Variants in ACADM observed in about 807,000 individuals in gnomAD.
The protein encoded by ACADM is medium-chain specific acyl-CoA dehydrogenase, mitochondrial.
ACADM carries 49 observed loss-of-function variants against 58.9 expected under a neutral mutation model. That is an observed-to-expected ratio of 0.83 (90% CI 0.66 to 1.06). The LOEUF (loss-of-function observed/expected upper bound fraction) is 1.06, where lower values mean the gene tolerates loss of function less well. ACADM is among the 50% of genes least tolerant of loss of function. The pLI is 0.00. For missense variants in ACADM, 496 were observed against 507.0 expected, an observed-to-expected ratio of 0.98 and a Z score of 0.21; for synonymous variants, 160 against 157.7, an observed-to-expected ratio of 1.01 and a Z score of -0.11.
At chr1:75,742,077 T>C (rs373045594) in intron 7 of ACADM, among the ~76,000 whole-genome samples, 1 of 152,172 alleles carries the variant, frequency 6.6e-6, no homozygotes, top group Non-Finnish European at 1.5e-5. Context: ...TTAAATACTT[T>C]AGTTACAAGT....
chr1:75,726,004 AT>A (rs1172015032), intron 1 of ACADM, among the ~76,000 whole-genome samples: 2 of 152,208 alleles, frequency 1.3e-5, no homozygotes, highest in Non-Finnish European at 2.9e-5. Flanking sequence ...TTGTTATGTA[AT>A]TAACAGGTTG....
At chr1:75,751,502 T>A (rs1557459397) in intron 10 of ACADM, among the ~76,000 whole-genome samples, 1 of 151,690 alleles carries the variant, frequency 6.6e-6, no homozygotes, top group Non-Finnish European at 1.5e-5. Flanking sequence ...GCTTTTTTTT[T>A]TTTGCGGGGG....
chr1:75,755,874 C>T (rs141858378), intron 10 of ACADM, among the ~76,000 whole-genome samples: 2,944 of 152,266 alleles, frequency 0.019, 96 homozygotes, highest in African/African-American at 0.067. Flanking sequence ...TTATCCACCA[C>T]GATCAAGTCA....
chr1:75,744,993 A>G (rs1413729626), intron 7 of ACADM, among the ~76,000 whole-genome samples: 2 of 152,206 alleles, frequency 1.3e-5, no homozygotes, highest in Non-Finnish European at 2.9e-5. Flanking sequence ...ATAGCATACT[A>G]TAGTCCCTCC....
intron 8 of ACADM, among the ~76,000 whole-genome samples, chr1:75,748,082 T>C (rs1238878437): frequency 6.6e-6 from 1 of 152,264 alleles, no homozygotes; most frequent in Non-Finnish European, 1.5e-5. Context: ...CTGTTTCTTA[T>C]TCTGCTTATT....
chr1:75,743,587 C>A, intron 7 of ACADM: 1 of 1,576,614 alleles, frequency 6.3e-7, no homozygotes, highest in Admixed American at 1.7e-5. Context: ...GTCAAAGATG[C>A]CATGCATCCC....
rs558615523 is a variant in ACADM, at chr1:75,744,265, G to A, written c.600-1541G>A. ...GGGTGCTGCATGGGGAGGAACTGCC[G>A]CTGCTATAGGTTCTGCTTTTGGGGC... On this transcript the variant is annotated intron_variant, in intron 7 of 11. Coordinates refer to ENST00000370841, the MANE Select transcript of ACADM (RefSeq NM_000016.6). The A allele has an allele frequency of 1.1e-3, 1,720 of 1,612,604 alleles. 8 individuals are homozygous for A. The highest frequency in any genetic ancestry group is 0.01 in the Middle Eastern group (61 of 6,056).
chr1:75,744,744 C>T (rs1052771793), intron 7 of ACADM: 8 of 727,582 alleles, frequency 1.1e-5, no homozygotes, highest in Admixed American at 7.1e-5. Flanking sequence ...AGTGGCTGAA[C>T]GCCCGGGACA....
chr1:75,758,539 G>A (rs1241884013), intron 10 of ACADM, among the ~76,000 whole-genome samples: 6 of 152,146 alleles, frequency 3.9e-5, no homozygotes, highest in Non-Finnish European at 4.4e-5. Context: ...TTCCTGGGTC[G>A]AGTGGGGACT....
intron 7 of ACADM, among the ~76,000 whole-genome samples, chr1:75,741,999 A>G (rs1251065): frequency 0.92 from 140,807 of 152,276 alleles, 65,322 homozygotes; most frequent in African/African-American, 0.97. Context: ...GAACATATGG[A>G]TCTCCATTTT....
intron 11 of ACADM, among the ~76,000 whole-genome samples, 176 bp from the exon 12 acceptor site, chr1:75,762,516 A>G (rs1210469407): frequency 3.3e-5 from 5 of 152,158 alleles, no homozygotes; most frequent in African/African-American, 9.6e-5. Context: ...AGAGAATTCC[A>G]TATTTTCAGA....
At chr1:75,749,637 A>G in intron 9 of ACADM, 78 bp downstream of exon 9, 1 of 1,302,962 alleles carries the variant, frequency 7.7e-7, no homozygotes, top group Non-Finnish European at 1.1e-6. Context: ...TTAAAATTGT[A>G]TGTTCAGTGT....
At position 75,750,537 on chromosome 1, in the gene ACADM, A is replaced by T. The variant is rs770989035; in HGVS notation, c.936A>T (p.Leu312=). 2.5e-6 allele frequency: 4 copies of T among 1,608,830 alleles called. No homozygotes were observed. Among genetic ancestry groups the T allele is most frequent in the Non-Finnish European group, 3.4e-6 (4 of 1,177,192 alleles). Residue 312 remains leucine (L), a synonymous_variant, in exon 10 of 12, where the codon CTA becomes CTT. Transcript: ENST00000370841. ...TGGAAAGGAAAACTTTCGGAAAGCT[A>T]CTTGTAGAGGTAATTTTAATACTGC... ...YALERKTFGK[L]LVEHQAISFM... is the part of the protein sequence containing the mutation.
At position 75,724,797 on chromosome 1, in the gene ACADM, G is replaced by A. The variant is rs777389884; in HGVS notation, c.10G>A (p.Gly4Arg). 2 of 1,522,142 alleles carry A rather than the reference G, an allele frequency of 1.3e-6. No individual in the cohort carries two copies. 94.3% of individuals were successfully genotyped at this position (1,522,142 alleles called of 1,614,324 possible). Residue 4 changes from glycine to arginine, a missense_variant, in exon 1 of 12, where the codon GGG becomes AGG. Transcript: ENST00000370841. ...CGGAACGGGAGCCAACATGGCAGCG[G>A]GGTTCGGGCGATGCTGCAGGGTGAG... The part of the protein sequence containing the change: MAA[G>R]FGRCCRVLRS...
chr1:75,724,727 G>T lies in ACADM; in HGVS notation c.-61G>T. ...CGGGACCAGAGGAGTCCCGCGTTCG[G>T]GGAGTATGTCAAGGCCGTGACCCGT... On this transcript the variant is annotated 5_prime_UTR_variant, in exon 1 of 12. Transcript: ENST00000370841. The T allele has an allele frequency of 6.5e-7, 1 of 1,538,062 alleles. No homozygotes were observed. Among genetic ancestry groups the T allele is most frequent in the Non-Finnish European group, 8.8e-7 (1 of 1,140,802 alleles).
At chr1:75,744,724 G>A in intron 7 of ACADM, 1 of 756,162 alleles carries the variant, frequency 1.3e-6, no homozygotes. Flanking sequence ...CTTCTGGAAG[G>A]CAGAGAGCGA....
At chr1:75,727,201 G>A (rs923047139) in intron 1 of ACADM, among the ~76,000 whole-genome samples, 1 of 152,074 alleles carries the variant, frequency 6.6e-6, no homozygotes, top group African/African-American at 2.4e-5. Context: ...TATGTTATTT[G>A]GAAAGCACTG....
intron 10 of ACADM, among the ~76,000 whole-genome samples, chr1:75,754,497 C>T (rs997976667): frequency 2.0e-4 from 30 of 152,288 alleles, no homozygotes; most frequent in African/African-American, 7.0e-4. Context: ...CGTGAGCCAC[C>T]GTGTCCAGCC....
chr1:75,729,416 C>G (rs1190865109), intron 2 of ACADM, among the ~76,000 whole-genome samples: 66 of 148,136 alleles, frequency 4.5e-4, no homozygotes, highest in African/African-American at 1.6e-3. Flanking sequence ...GGATTATAGG[C>G]ATGAGCTACT....
Sources: gnomAD v4.1 joint callset for allele counts (sites outside exome capture counted in the v4.1 genomes callset) on GRCh38, gnomAD v4.1.1 for gene constraint, MANE v1.5 for transcripts, NCBI Gene and HGNC (gene_info 2026-07-23, HGNC 2026-07-21) for gene names.